PEMT: variants seen among roughly 807,000 people sequenced by gnomAD.
The protein encoded by PEMT is phospholipid methyltransferase.
Under a neutral mutation model 27.4 loss-of-function variants are expected in PEMT, and 23 were observed. The ratio of observed to expected loss-of-function variants is 0.84; its 90% CI spans 0.60 to 1.19. The LOEUF (loss-of-function observed/expected upper bound fraction) is 1.19, where lower values mean the gene tolerates loss of function less well. Among genes scored for constraint, PEMT ranks in the 50% most tolerant of loss-of-function variants. PEMT has a pLI of 0.00. For missense variants in PEMT, 307 were observed against 310.1 expected (o/e 0.99, Z 0.07); for synonymous variants, 137 against 139.1 (o/e 0.98, Z 0.11).
intron 2 of PEMT, among the ~76,000 whole-genome samples, chr17:17,576,319 G>C (rs886982764): frequency 6.6e-6 from 1 of 152,176 alleles, no homozygotes; most frequent in African/African-American, 2.4e-5. Context: ...CTCGGTGCTG[G>C]TGCCCGGGCA....
At position 17,513,247 on chromosome 17, in the gene PEMT, C is replaced by T. The variant is rs1236741206; in HGVS notation, c.321-593G>A. ...TGGGGGCCCTTAATGTCCTCCTCCACACCTGAATTCCCCCACTAGGCTCCC... is the reference window on the plus strand; with the variant it reads ...TGGGGGCCCTTAATGTCCTCCTCCATACCTGAATTCCCCCACTAGGCTCCC... On this transcript the variant is annotated intron_variant, in intron 3 of 6. Coordinates refer to ENST00000255389, the MANE Select transcript of PEMT (RefSeq NM_148172.3). This position sits in a 1 kb window ranked among gnomAD's most constrained non-coding sequence, Gnocchi z 4.1. Among the ~76,000 whole-genome samples the T allele has an allele frequency of 6.6e-6, 1 of 152,238 alleles. No individual in the cohort carries two copies. Among genetic ancestry groups the T allele is most frequent in the Non-Finnish European group, 1.5e-5 (1 of 68,046 alleles).
chr17:17,590,043 C>T (rs1318966494), intron 1 of PEMT, among the ~76,000 whole-genome samples: 2 of 148,976 alleles, frequency 1.3e-5, no homozygotes, highest in Admixed American at 6.7e-5. Context: ...GCATTCTGCC[C>T]CCCCTTCTAC....
chr17:17,526,781 A>G (rs1233941696), intron 2 of PEMT, among the ~76,000 whole-genome samples: 1 of 152,240 alleles, frequency 6.6e-6, no homozygotes, highest in Non-Finnish European at 1.5e-5. Context: ...TGTTCTGGTC[A>G]AACTCATAGC....
rs777982658 is a variant in PEMT at position 17,505,847 on chromosome 17, G to A, written c.655C>T (p.Pro219Ser). The A allele has an allele frequency of 4.3e-6, 7 of 1,609,458 alleles. No individual in the cohort carries two copies. Among genetic ancestry groups the A allele is most frequent in the Non-Finnish European group, 5.9e-6 (7 of 1,177,586 alleles). ...TYIVALLYEEPFTAEIYRQKA... is the reference protein window; with the variant it reads ...TYIVALLYEESFTAEIYRQKA... ...TGCCGGTAGATCTCAGCGGTGAAGGGCCTGCCGGGCAGCGGGGAGAGGCTT... is the reference window on the plus strand; with the variant it reads ...TGCCGGTAGATCTCAGCGGTGAAGGACCTGCCGGGCAGCGGGGAGAGGCTT... The change falls in exon 7 of 7, where the codon CCC (proline) becomes TCC (serine). Residue 219 changes from proline to serine, a missense_variant and splice_region_variant. Physicochemically the swap from Pro to Ser is moderately conservative, Grantham distance 74. Transcript: ENST00000255389.
Position 17,554,910 on chromosome 17 carries a change from C to T in PEMT, c.204+22010G>A, listed in dbSNP as rs111687870. Reference sequence around the variant, plus strand: ...GGATTACAGGCACGAGCCATCGCGCCCGGCCAGCAGATTTTTTTAAAGGTC... The same window carrying T: ...GGATTACAGGCACGAGCCATCGCGCTCGGCCAGCAGATTTTTTTAAAGGTC... On this transcript the variant is annotated intron_variant, in intron 2 of 6. Transcript: ENST00000255389. Among the ~76,000 whole-genome samples, 688 of 152,278 alleles carry T rather than the reference C, an allele frequency of 4.5e-3. 4 individuals are homozygous for T. Among genetic ancestry groups the T allele is most frequent in the Middle Eastern group, 0.01 (3 of 294 alleles).
chr17:17,506,230 T>G lies in PEMT; in HGVS notation c.650A>C (p.Glu217Ala). Reference protein sequence around the residue: ...ALTYIVALLYEEPFTAEIYRQ... With the variant: ...ALTYIVALLYAEPFTAEIYRQ... Reference sequence around the variant, plus strand: ...ACCCGCCGCAGCCCCTACTCACTCTTCGTATAGGAGAGCCACTATGTAGGT... The same window carrying G: ...ACCCGCCGCAGCCCCTACTCACTCTGCGTATAGGAGAGCCACTATGTAGGT... The change falls in exon 6 of 7, where the codon GAA becomes GCA. Residue 217 changes from glutamate (E) to alanine (A), a missense_variant. By Grantham distance (107) the Glu-to-Ala change is moderately radical. Transcript: ENST00000255389. 6.4e-7 allele frequency: 1 copy of G among 1,570,644 alleles called. No homozygotes were observed. The highest frequency in any genetic ancestry group is 8.6e-7 in the Non-Finnish European group (1 of 1,156,398).
At position 17,558,098 on chromosome 17, in the gene PEMT, T is replaced by C. The variant is rs190762940; in HGVS notation, c.204+18822A>G. Among the ~76,000 whole-genome samples the C allele has an allele frequency of 1.6e-3, 247 of 152,186 alleles. 1 individual carries two copies. The highest frequency in any genetic ancestry group is 5.8e-3 in the African/African-American group (239 of 41,518). ...AGCGTATGCTTACAGTCCCAGCACTTTGGGAGGGTGAGGCGGCAGAATCGC... is the reference window on the plus strand; with the variant it reads ...AGCGTATGCTTACAGTCCCAGCACTCTGGGAGGGTGAGGCGGCAGAATCGC... On this transcript the variant is annotated intron_variant, in intron 2 of 6. Transcript: ENST00000255389.
intron 4 of PEMT, among the ~76,000 whole-genome samples, chr17:17,510,557 C>A (rs70965407): frequency 6.6e-6 from 1 of 152,194 alleles, no homozygotes; most frequent in Non-Finnish European, 1.5e-5. Context: ...TCTTTCTTCC[C>A]AGGAAGCAGG....
At chr17:17,592,099 C>T (rs964801343), upstream of PEMT, 3 of 985,280 alleles carry the variant, frequency 3.0e-6, no homozygotes, top group Non-Finnish European at 2.4e-6. Flanking sequence ...CAGGGCCCCA[C>T]ACGCCCAGGG....
chr17:17,519,383 C>A (rs147675831), intron 3 of PEMT, among the ~76,000 whole-genome samples: 1 of 152,316 alleles, frequency 6.6e-6, no homozygotes, highest in Non-Finnish European at 1.5e-5. Flanking sequence ...AAGTCATGGC[C>A]CTGCTGGCTG....
intron 2 of PEMT, among the ~76,000 whole-genome samples, chr17:17,560,041 C>T (rs886381211): frequency 8.5e-5 from 13 of 152,314 alleles, no homozygotes; most frequent in East Asian, 7.7e-4. Flanking sequence ...ACAGTCACAG[C>T]GAAGCCACGG....
At chr17:17,527,018 C>T (rs894760741) in intron 2 of PEMT, among the ~76,000 whole-genome samples, 4 of 151,990 alleles carry the variant, frequency 2.6e-5, no homozygotes, top group Non-Finnish European at 5.9e-5. Context: ...GAAGTGAGGC[C>T]GCAGAAAGTC....
chr17:17,526,549 C>T (rs764703525), intron 2 of PEMT, among the ~76,000 whole-genome samples: 1 of 152,254 alleles, frequency 6.6e-6, no homozygotes. Flanking sequence ...CGTCTCTCCC[C>T]CTATCCGTGG....
rs1313763297 is a variant in PEMT, at chr17:17,512,171, G to A, written c.466+338C>T. On this transcript the variant is annotated intron_variant, in intron 4 of 6. Coordinates refer to ENST00000255389, the MANE Select transcript of PEMT (RefSeq NM_148172.3). This position sits in a 1 kb window ranked among gnomAD's most constrained non-coding sequence, Gnocchi z 6.3. ...GCCTGAGAGTCTTCTGCAAGGGGGA[G>A]CTGGTGCTGGAGCTGGACTCAAGGA... 2.0e-5 allele frequency among the ~76,000 whole-genome samples: 3 copies of A among 152,242 alleles called. No individual in the cohort carries two copies. The highest frequency in any genetic ancestry group is 2.9e-5 in the Non-Finnish European group (2 of 68,036).
intron 3 of PEMT, among the ~76,000 whole-genome samples, chr17:17,521,771 T>C (rs1387019779): frequency 6.6e-6 from 1 of 152,144 alleles, no homozygotes; most frequent in East Asian, 1.9e-4. Flanking sequence ...TTCATCATGT[T>C]GGCCAGGGTG....
chr17:17,574,252 A>AC (rs1353476880), intron 2 of PEMT, among the ~76,000 whole-genome samples: 1 of 143,586 alleles, frequency 7.0e-6, no homozygotes, highest in African/African-American at 2.5e-5. Context: ...ACCAAAAAAA[A>AC]AAAAAAAAAA....
At chr17:17,506,676 G>A (rs1218777424) in intron 5 of PEMT, among the ~76,000 whole-genome samples, 1 of 152,202 alleles carries the variant, frequency 6.6e-6, no homozygotes, top group East Asian at 1.9e-4. Flanking sequence ...GAGATTCTGG[G>A]GCAAAGTGCT....
chr17:17,557,383 C>T (rs1477871380), intron 2 of PEMT, among the ~76,000 whole-genome samples: 1 of 152,200 alleles, frequency 6.6e-6, no homozygotes, highest in African/African-American at 2.4e-5. Flanking sequence ...GACAAAATTA[C>T]ACATGGTAAA....
intron 2 of PEMT, among the ~76,000 whole-genome samples, chr17:17,537,209 A>G (rs1157371172): frequency 6.6e-6 from 1 of 152,228 alleles, no homozygotes; most frequent in African/African-American, 2.4e-5. Context: ...GGAGGGAGCC[A>G]GCATGCTCAG....
Sources: allele counts gnomAD v4.1 joint callset (sites outside exome capture counted in the v4.1 genomes callset), GRCh38; gene constraint gnomAD v4.1.1; non-coding constraint Gnocchi (gnomAD v3.1); transcripts MANE v1.5; gene names NCBI Gene and HGNC (gene_info 2026-07-23, HGNC 2026-07-21).